The following MGARP variants were observed in gnomAD, a reference collection of about 807,000 sequenced individuals.
MGARP encodes the protein mitochondria localized glutamic acid rich protein.
In MGARP, 12 loss-of-function variants were observed where a neutral mutation model predicts 11.0. That is an observed-to-expected ratio of 1.09 (90% CI 0.70 to 1.77). The LOEUF is 1.77. Ranked by LOEUF, MGARP falls within the 40% of genes most tolerant of loss-of-function variation. The pLI is 0.00. For synonymous variants in MGARP, 110 were observed against 115.4 expected (o/e 0.95, Z 0.30); for missense variants, 283 against 297.8 (o/e 0.95, Z 0.36).
Position 139,270,341 on chromosome 4 carries a change from G to A in MGARP, c.187-1576C>T, listed in dbSNP as rs1250652473. 3.3e-5 allele frequency among the ~76,000 whole-genome samples: 5 copies of A among 150,970 alleles called. No individual in the cohort carries two copies. In the East Asian group the frequency reaches 7.7e-4, roughly 23 times the overall value. On this transcript the variant is annotated intron_variant, in intron 2 of 3. Transcript: ENST00000398955. Reference sequence around the variant, plus strand: ...AAAGAAAGAAAAGAAAAGAAAATCTGGGTCAAGCCTGTAATCGCAGCACTT... The same window carrying A: ...AAAGAAAGAAAAGAAAAGAAAATCTAGGTCAAGCCTGTAATCGCAGCACTT...
chr4:139,277,603 A>G (rs1280588971), intron 1 of MGARP, among the ~76,000 whole-genome samples: 1 of 152,240 alleles, frequency 6.6e-6, no homozygotes, highest in Non-Finnish European at 1.5e-5. Flanking sequence ...ATTTTTCAAT[A>G]AGGATTAATT....
At chr4:139,279,786 C>T (rs1347832398) in intron 1 of MGARP, among the ~76,000 whole-genome samples, 5 of 152,240 alleles carry the variant, frequency 3.3e-5, no homozygotes, top group African/African-American at 4.8e-5. Flanking sequence ...AAACCATCAT[C>T]GCCCTCATTT....
chr4:139,276,484 G>A (rs1744875830), intron 1 of MGARP, among the ~76,000 whole-genome samples: 3 of 152,132 alleles, frequency 2.0e-5, no homozygotes, highest in South Asian at 2.1e-4. Context: ...GAGGCAGAAG[G>A]TGTAACGTAT....
chr4:139,267,969 T>A (rs144223537), intron 3 of MGARP, among the ~76,000 whole-genome samples: 1 of 152,062 alleles, frequency 6.6e-6, no homozygotes, highest in Non-Finnish European at 1.5e-5. Context: ...AAAAATAAAT[T>A]TGCTGGGTGT....
rs1353910626 is a variant in MGARP, at chr4:139,266,700, G to A, written c.622C>T (p.Leu208=). Residue 208 remains leucine, a synonymous_variant, in exon 4 of 4, where the codon CTA becomes TTA. Transcript: ENST00000398955. ...TCAGCTGGAGAATTTTCTTCTTCTA[G>A]TTCAGCATATTCATCAGAGGTTTCG... ...KNETSDEYAE[L]EEENSPAESE... 2 of 1,613,964 alleles carry A rather than the reference G, an allele frequency of 1.2e-6. No individual in the cohort carries two copies. Among genetic ancestry groups the A allele is most frequent in the Non-Finnish European group, 8.5e-7 (1 of 1,180,016 alleles).
intron 1 of MGARP, among the ~76,000 whole-genome samples, chr4:139,277,267 A>G (rs1014811217): frequency 2.0e-5 from 3 of 152,120 alleles, no homozygotes; most frequent in African/African-American, 7.2e-5. Flanking sequence ...ATGCTTACAA[A>G]CCTTCATAGT....
chr4:139,277,947 G>C (rs1744896415), intron 1 of MGARP, among the ~76,000 whole-genome samples: 2 of 151,926 alleles, frequency 1.3e-5, no homozygotes, highest in Non-Finnish European at 1.5e-5. Flanking sequence ...CCCTTTTAAG[G>C]CTGGGCTCGG....
Position 139,280,123 on chromosome 4 carries a change from C to G in MGARP, c.36G>C (p.Ala12=). 3 of 1,611,868 alleles carry G rather than the reference C, an allele frequency of 1.9e-6. No individual in the cohort carries two copies. Among genetic ancestry groups the G allele is most frequent in the Non-Finnish European group, 2.5e-6 (3 of 1,179,708 alleles). ...YLRRAVSKTL[A]LPLRAPPNPA... ...GGTTGGGGGGCGCCCTCAGCGGCAG[C>G]GCCAGAGTCTTGGAGACCGCCCTGC... Residue 12 remains alanine, a synonymous_variant, in exon 1 of 4, where the codon GCG becomes GCC. Transcript: ENST00000398955.
chr4:139,267,107 G>C, intron 3 of MGARP, 66 bp from the exon 4 acceptor site: 1 of 1,511,046 alleles, frequency 6.6e-7, no homozygotes, highest in East Asian at 2.3e-5. Flanking sequence ...GAAACACTGC[G>C]GTCGTTTAAA....
chr4:139,273,958 G>T (rs969729720), intron 2 of MGARP, among the ~76,000 whole-genome samples: 21 of 152,088 alleles, frequency 1.4e-4, no homozygotes, highest in Non-Finnish European at 2.9e-5. Context: ...GTCTTACAGG[G>T]TTTACCTGGA....
intron 1 of MGARP, 122 bp downstream of exon 1, chr4:139,279,955 A>T: frequency 9.9e-7 from 1 of 1,013,458 alleles, no homozygotes; most frequent in South Asian, 1.4e-5. Flanking sequence ...TCGACCTCCA[A>T]TCCAGGCTTC....
At chr4:139,278,458 A>G (rs1228287045) in intron 1 of MGARP, among the ~76,000 whole-genome samples, 1 of 152,224 alleles carries the variant, frequency 6.6e-6, no homozygotes, top group African/African-American at 2.4e-5. Flanking sequence ...AAAATCAGAG[A>G]AAGACCAGTA....
chr4:139,276,274 A>G (rs546028022), intron 1 of MGARP, among the ~76,000 whole-genome samples: 53 of 152,340 alleles, frequency 3.5e-4, no homozygotes, highest in Non-Finnish European at 1.2e-4. Flanking sequence ...AACAAGACAG[A>G]TAAGGTCCCT....
At position 139,266,934 on chromosome 4, in the gene MGARP, C is replaced by T; in HGVS notation, c.388G>A (p.Val130Ile). 1 of 1,614,218 alleles carries T rather than the reference C, an allele frequency of 6.2e-7. No individual in the cohort carries two copies. The highest frequency in any genetic ancestry group is 1.1e-5 in the South Asian group (1 of 91,082). The change falls in exon 4 of 4, where the codon GTT (valine) becomes ATT (isoleucine). Residue 130 changes from valine to isoleucine, a missense_variant. By Grantham distance (29) the Val-to-Ile change is conservative (BLOSUM62 3). Transcript: ENST00000398955. Reference protein sequence around the residue: ...VDAEESPSATVVVIKEASACP... With the variant: ...VDAEESPSATIVVIKEASACP... ...GCAGATGCCTCTTTTATGACCACAA[C>T]TGTAGCACTGGGACTTTCTTCAGCA...
chr4:139,278,583 C>T (rs561850723), intron 1 of MGARP, among the ~76,000 whole-genome samples: 16 of 150,896 alleles, frequency 1.1e-4, no homozygotes, highest in Admixed American at 1.3e-4. Context: ...AAAAGGTGCG[C>T]GTGTGTGTGT....
chr4:139,269,065 C>T (rs1262955845), intron 2 of MGARP, among the ~76,000 whole-genome samples: 2 of 152,092 alleles, frequency 1.3e-5, no homozygotes, highest in Non-Finnish European at 2.9e-5. Flanking sequence ...TACATCAAAC[C>T]CCCATGACAC....
At chr4:139,273,430 C>T (rs998624014) in intron 2 of MGARP, among the ~76,000 whole-genome samples, 1 of 151,932 alleles carries the variant, frequency 6.6e-6, no homozygotes, top group African/African-American at 2.4e-5. Flanking sequence ...ACTGTGTTCC[C>T]CAGACTGGTC....
At position 139,280,106 on chromosome 4, in the gene MGARP, G is replaced by T. The variant is rs1744936046; in HGVS notation, c.53C>A (p.Pro18His). 6.2e-7 allele frequency: 1 copy of T among 1,612,038 alleles called. No individual in the cohort carries two copies. ...CTTTCCGAGCGGCGCGGGGTTGGGG[G>T]GCGCCCTCAGCGGCAGCGCCAGAGT... ...SKTLALPLRA[P>H]PNPAPLGKDA... Residue 18 changes from proline to histidine, a missense_variant, in exon 1 of 4, where the codon CCC becomes CAC. Transcript: ENST00000398955.
intron 2 of MGARP, among the ~76,000 whole-genome samples, chr4:139,272,701 T>G (rs1744803462): frequency 6.9e-6 from 1 of 145,898 alleles, no homozygotes; most frequent in Non-Finnish European, 1.5e-5. Context: ...TTTTTTTTTT[T>G]TTTTGAGACG....
Sources: gnomAD v4.1 joint callset for allele counts (sites outside exome capture counted in the v4.1 genomes callset) on GRCh38, gnomAD v4.1.1 for gene constraint, MANE v1.5 for transcripts, NCBI Gene and HGNC (gene_info 2026-07-23, HGNC 2026-07-21) for gene names.